INSL6: variants seen among roughly 807,000 people sequenced by gnomAD.
INSL6 encodes the protein insulin like 6, also known as insulin-like peptide INSL6.
INSL6 carries 16 observed loss-of-function variants against 9.4 expected under a neutral mutation model. The ratio of observed to expected loss-of-function variants is 1.70; its 90% CI spans 1.15 to 2.59. The LOEUF (loss-of-function observed/expected upper bound fraction) is 2.59. INSL6 is among the 30% of genes most tolerant of loss of function. The probability of loss-of-function intolerance (pLI) is 0.00; values close to 1 mark genes in which losing one functional copy is unlikely to be tolerated. For missense variants in INSL6, 391 were observed against 257.3 expected (o/e 1.52, Z -3.56); for synonymous variants, 154 against 96.9 (o/e 1.59, Z -3.46).
the INSL6 span, chr9:5,112,073 G>C: frequency 5.1e-6 from 2 of 390,860 alleles, no homozygotes; most frequent in Admixed American, 5.8e-5. Flanking sequence ...ACGGCCTGGA[G>C]AGTAAGATAG....
the INSL6 span, among the ~76,000 whole-genome samples, chr9:5,029,507 A>T: frequency 3.9e-5 from 6 of 152,190 alleles, no homozygotes; most frequent in African/African-American, 1.4e-4. Flanking sequence ...CTAGATTCAC[A>T]CTTGCTCTAA....
chr9:5,074,530 G>T, the INSL6 span, among the ~76,000 whole-genome samples: 1 of 152,128 alleles, frequency 6.6e-6, no homozygotes, highest in African/African-American at 2.4e-5. Context: ...TTATTCTGGG[G>T]TGTCCCAAAC....
At chr9:5,030,231 G>C in the INSL6 span, among the ~76,000 whole-genome samples, 3 of 152,132 alleles carry the variant, frequency 2.0e-5, no homozygotes, top group African/African-American at 7.2e-5. Context: ...GGTTTGTGCA[G>C]CGTTTTGTGC....
chr9:5,138,676 C>T (rs1314156356), intron 2 of INSL6, among the ~76,000 whole-genome samples: 1 of 151,806 alleles, frequency 6.6e-6, no homozygotes, highest in East Asian at 1.9e-4. Context: ...ACATGTATAC[C>T]TATGTTAACA....
intron 2 of INSL6, among the ~76,000 whole-genome samples, chr9:5,156,105 T>G (rs1240644192): frequency 6.6e-6 from 1 of 151,380 alleles, no homozygotes; most frequent in Non-Finnish European, 1.5e-5. Flanking sequence ...TAAATATGAC[T>G]AAGAACTTTC....
At chr9:5,047,136 A>C in the INSL6 span, among the ~76,000 whole-genome samples, 2 of 152,130 alleles carry the variant, frequency 1.3e-5, no homozygotes, top group Non-Finnish European at 2.9e-5. Flanking sequence ...TACTTCTCTA[A>C]ATTTGTGCCC....
At chr9:5,026,894 A>G in the INSL6 span, among the ~76,000 whole-genome samples, 1 of 152,328 alleles carries the variant, frequency 6.6e-6, no homozygotes, top group African/African-American at 2.4e-5. Flanking sequence ...TTAAGTTGAT[A>G]TTTAAAATTT....
the INSL6 span, chr9:5,111,219 C>G: frequency 1.7e-6 from 1 of 585,258 alleles, no homozygotes; most frequent in South Asian, 1.5e-5. Flanking sequence ...GCAAGAGCAG[C>G]TAGCGCGGGC....
At chr9:5,117,789 G>A in the INSL6 span, among the ~76,000 whole-genome samples, 1 of 152,062 alleles carries the variant, frequency 6.6e-6, no homozygotes, top group Non-Finnish European at 1.5e-5. Flanking sequence ...GAGTATACGA[G>A]GAAGCCTGAG....
Position 5,164,596 on chromosome 9 carries a change from C to G in INSL6, c.290-331G>C, listed in dbSNP as rs138065039. ...AACTATAAATCTAACTCCAGAACAT[C>G]TGTATCCAAAAAGAAACCTATGCCC... On this transcript the variant is annotated intron_variant, in intron 1 of 1. Coordinates refer to ENST00000381641, the MANE Select transcript of INSL6 (RefSeq NM_007179.3). 6.9e-3 allele frequency among the ~76,000 whole-genome samples: 1,051 copies of G among 152,320 alleles called. 24 individuals carry two copies. The highest frequency in any genetic ancestry group is 0.024 in the African/African-American group (1,005 of 41,572).
chr9:5,103,947 TG>T, the INSL6 span, among the ~76,000 whole-genome samples: 1 of 152,126 alleles, frequency 6.6e-6, no homozygotes, highest in Non-Finnish European at 1.5e-5. Flanking sequence ...TAGCACTAAA[TG>T]CCCACAAGAG....
At chr9:5,108,957 G>C in the INSL6 span, 1 of 151,956 alleles carries the variant, frequency 6.6e-6, no homozygotes, top group African/African-American at 2.4e-5. Context: ...CTTACCTGAG[G>C]CCTTCAAATA....
chr9:5,049,029 G>T, the INSL6 span, among the ~76,000 whole-genome samples: 1 of 152,026 alleles, frequency 6.6e-6, no homozygotes, highest in African/African-American at 2.4e-5. Context: ...GGTCAAAATC[G>T]TAGAACCTCT....
chr9:5,051,442 T>C, the INSL6 span, among the ~76,000 whole-genome samples: 11 of 152,096 alleles, frequency 7.2e-5, no homozygotes, highest in Non-Finnish European at 1.5e-5. Flanking sequence ...GGGGAGCCTG[T>C]TAAAATCAAA....
At chr9:5,119,804 CA>C (rs915939474), downstream of INSL6, among the ~76,000 whole-genome samples, 1 of 151,778 alleles carries the variant, frequency 6.6e-6, no homozygotes, top group African/African-American at 2.4e-5. Context: ...TTAATGAACA[CA>C]AAAAATATAT....
the INSL6 span, chr9:5,110,308 C>T: frequency 6.6e-6 from 1 of 152,196 alleles, no homozygotes; most frequent in African/African-American, 2.4e-5. Flanking sequence ...TCTCCAGGGG[C>T]TGTTACCACC....
At chr9:5,105,096 T>C in the INSL6 span, among the ~76,000 whole-genome samples, 1 of 152,128 alleles carries the variant, frequency 6.6e-6, no homozygotes, top group African/African-American at 2.4e-5. Context: ...GGGTATTCAA[T>C]TAGGAAAAGA....
At chr9:4,997,539 T>A in the INSL6 span, among the ~76,000 whole-genome samples, 3 of 152,160 alleles carry the variant, frequency 2.0e-5, no homozygotes, top group African/African-American at 2.4e-5. Flanking sequence ...AAACCATTCA[T>A]GAGAAATCCA....
chr9:5,141,623 T>C (rs866294407), intron 2 of INSL6, among the ~76,000 whole-genome samples: 2 of 152,230 alleles, frequency 1.3e-5, no homozygotes, highest in Non-Finnish European at 2.9e-5. Flanking sequence ...TATTAGACCT[T>C]TGTCAGATGC....
Sources: gnomAD v4.1 joint callset for allele counts (sites outside exome capture counted in the v4.1 genomes callset) on GRCh38, gnomAD v4.1.1 for gene constraint, MANE v1.5 for transcripts, NCBI Gene and HGNC (gene_info 2026-07-23, HGNC 2026-07-21) for gene names.